The following ANK2 variants were observed in gnomAD, a reference collection of about 807,000 sequenced individuals.
The protein encoded by ANK2 is ankyrin-2.
Under a neutral mutation model 360.5 loss-of-function variants are expected in ANK2, and 83 were observed. That is an observed-to-expected ratio of 0.23 (90% CI 0.19 to 0.28). The LOEUF (loss-of-function observed/expected upper bound fraction) is 0.28, where lower values mean the gene tolerates loss of function less well. ANK2 is among the 10% of genes least tolerant of loss of function. The pLI, the probability that ANK2 is intolerant of heterozygous loss-of-function variation, is 1.00. For missense variants in ANK2, 4,201 were observed against 4,795.7 expected (o/e 0.88, Z 3.66); for synonymous variants, 1,740 against 1,759.5 (o/e 0.99, Z 0.28).
At chr4:112,911,846 G>T (rs1350278893) in intron 2 of ANK2, among the ~76,000 whole-genome samples, 1 of 152,178 alleles carries the variant, frequency 6.6e-6, no homozygotes, top group Non-Finnish European at 1.5e-5. Flanking sequence ...CTGTTTAATT[G>T]ATTATTGTGT....
At chr4:113,163,319 T>A (rs753711142) in intron 1 of ANK2, among the ~76,000 whole-genome samples, 42 of 152,140 alleles carry the variant, frequency 2.8e-4, no homozygotes, top group Non-Finnish European at 5.7e-4. Flanking sequence ...GTCACAAATA[T>A]GCAAAAGATG....
chr4:112,812,074 C>CAAAAAAAAAAAAAA, the ANK2 span, among the ~76,000 whole-genome samples: 1 of 79,144 alleles, frequency 1.3e-5, no homozygotes, highest in African/African-American at 4.8e-5. Context: ...GACTCCGTCT[C>CAAAAAAAAAAAAAA]AAAAAAAAAA....
At chr4:113,041,119 G>A (rs888589906) in intron 2 of ANK2, among the ~76,000 whole-genome samples, 24 of 151,888 alleles carry the variant, frequency 1.6e-4, no homozygotes, top group Non-Finnish European at 7.4e-5. Flanking sequence ...ATATCCATTC[G>A]CTGCTTAGTT....
intron 2 of ANK2, among the ~76,000 whole-genome samples, chr4:113,175,307 C>G (rs1308229092): frequency 6.6e-6 from 1 of 152,020 alleles, no homozygotes; most frequent in African/African-American, 2.4e-5. Context: ...TATATTGAAC[C>G]CAGTTATGTT....
In ANK2 at chr4:113,354,696, A is replaced by T. The variant is rs759970012; in HGVS notation, c.6078A>T (p.Lys2026Asn). 9.3e-6 allele frequency: 15 copies of T among 1,614,050 alleles called. No homozygotes were observed. Among genetic ancestry groups the T allele is most frequent in the Middle Eastern group, 1.7e-4 (1 of 6,060 alleles). The change falls in exon 38 of 46, where the codon AAA becomes AAT. Residue 2026 changes from lysine (K) to asparagine (N), a missense_variant. Around this residue, in one of 4 missense-constraint regions of ANK2, gnomAD observed 2,642 missense variants for 2,714.5 expected, o/e 0.97. Coordinates refer to ENST00000357077, the MANE Select transcript of ANK2 (RefSeq NM_001148.6). The stretch of plus-strand genomic sequence containing the variant: ...AAAAGCAGCCACAAGAGAAAGGTAA[A>T]GTTCGGGTAGAAAAAGAAAAGGGGC... ...AKQKQPQEKG[K>N]VRVEKEKGPI...
chr4:113,250,426 C>T (rs930488047), intron 10 of ANK2, among the ~76,000 whole-genome samples: 1 of 152,202 alleles, frequency 6.6e-6, no homozygotes, highest in Non-Finnish European at 1.5e-5. Context: ...TTATGACATA[C>T]TACATCTAGC....
intron 1 of ANK2, among the ~76,000 whole-genome samples, chr4:113,099,109 G>A (rs571208503): frequency 1.3e-5 from 2 of 151,984 alleles, no homozygotes; most frequent in East Asian, 3.9e-4. Flanking sequence ...AAGTAAAAAT[G>A]TTTTCTCTTA....
chr4:112,788,458 G>T, the ANK2 span: 1 of 1,601,040 alleles, frequency 6.2e-7, no homozygotes, highest in East Asian at 2.2e-5. Flanking sequence ...AGGTGGTGAC[G>T]GTGTTAACTC....
At chr4:113,074,122 G>C (rs748056304) in intron 1 of ANK2, among the ~76,000 whole-genome samples, 1 of 152,186 alleles carries the variant, frequency 6.6e-6, no homozygotes, top group Non-Finnish European at 1.5e-5. Flanking sequence ...TAATATATCT[G>C]TAGAGAATGT....
chr4:112,941,333 C>A (rs977599889), intron 2 of ANK2, among the ~76,000 whole-genome samples: 2 of 144,230 alleles, frequency 1.4e-5, no homozygotes, highest in Non-Finnish European at 3.0e-5. Flanking sequence ...TATAAATATA[C>A]TACATATAAA....
intron 1 of ANK2, among the ~76,000 whole-genome samples, chr4:113,133,778 A>G (rs1427896116): frequency 6.6e-6 from 1 of 152,162 alleles, no homozygotes; most frequent in Admixed American, 6.6e-5. Context: ...AGAAATGATT[A>G]TAACTCCCTT....
At chr4:113,044,976 T>G (rs1430106911), upstream of ANK2, among the ~76,000 whole-genome samples, 1 of 152,166 alleles carries the variant, frequency 6.6e-6, no homozygotes, top group Non-Finnish European at 1.5e-5. Context: ...TAAGTAATAG[T>G]GAGTGGGAAA....
intron 1 of ANK2, among the ~76,000 whole-genome samples, chr4:113,152,845 G>T (rs1442147758): frequency 6.6e-6 from 1 of 152,088 alleles, no homozygotes. Flanking sequence ...AGGGTACAGT[G>T]AGCCTTGATT....
chr4:113,119,153 G>A (rs891010704), intron 1 of ANK2, among the ~76,000 whole-genome samples: 3 of 152,132 alleles, frequency 2.0e-5, no homozygotes, highest in Non-Finnish European at 4.4e-5. Flanking sequence ...TCATATGACA[G>A]GATCATCTGG....
the ANK2 span, among the ~76,000 whole-genome samples, chr4:112,786,057 G>C: frequency 6.6e-6 from 1 of 151,988 alleles, no homozygotes; most frequent in South Asian, 2.1e-4. Flanking sequence ...GGCCAGGCTA[G>C]TCTTGAACTC....
chr4:113,111,106 T>A (rs2094245465), intron 1 of ANK2, among the ~76,000 whole-genome samples: 1 of 152,212 alleles, frequency 6.6e-6, no homozygotes, highest in Admixed American at 6.5e-5. Context: ...AATACAAAAT[T>A]ATTTTGTGAA....
chr4:112,907,209 A>T (rs144024008), intron 2 of ANK2, among the ~76,000 whole-genome samples: 260 of 152,326 alleles, frequency 1.7e-3, no homozygotes, highest in African/African-American at 5.7e-3. Context: ...CAGGCCCTGA[A>T]GATGAAAGAC....
At chr4:113,198,575 G>A (rs182620505) in intron 3 of ANK2, among the ~76,000 whole-genome samples, 2 of 152,170 alleles carry the variant, frequency 1.3e-5, no homozygotes, top group Non-Finnish European at 2.9e-5. Context: ...ATAACTATAA[G>A]CAGCTCGTTT....
chr4:112,712,899 T>C, the ANK2 span, among the ~76,000 whole-genome samples: 1 of 152,168 alleles, frequency 6.6e-6, no homozygotes, highest in South Asian at 2.1e-4. Context: ...TTATATAGTT[T>C]AATGAGTACT....
Sources: gnomAD v4.1 joint callset for allele counts (sites outside exome capture counted in the v4.1 genomes callset) on GRCh38, gnomAD v4.1.1 for gene constraint, gnomAD v4.1.1 regional missense constraint, MANE v1.5 for transcripts, NCBI Gene and HGNC (gene_info 2026-07-23, HGNC 2026-07-21) for gene names.